Variants in VCL observed in about 807,000 individuals in gnomAD.
VCL encodes the protein epididymis luminal protein 114.
A neutral mutation model predicts 125.7 loss-of-function variants in VCL; 47 were observed. The ratio of observed to expected loss-of-function variants is 0.37; its 90% CI spans 0.30 to 0.48. The LOEUF (loss-of-function observed/expected upper bound fraction) is 0.48, where lower values mean the gene tolerates loss of function less well. VCL is among the 20% of genes least tolerant of loss of function. The pLI, the probability that VCL is intolerant of heterozygous loss-of-function variation, is 0.99. For synonymous variants in VCL, 458 were observed against 514.6 expected (o/e 0.89, Z 1.49); for missense variants, 1,069 against 1,455.5 (o/e 0.73, Z 4.32).
At chr10:74,035,485 C>A (rs982711664) in intron 1 of VCL, among the ~76,000 whole-genome samples, 1 of 152,050 alleles carries the variant, frequency 6.6e-6, no homozygotes, top group African/African-American at 2.4e-5. Flanking sequence ...CTAAAAATGC[C>A]CCCAGGCCTC....
At chr10:74,056,935 T>C (rs1315054152) in intron 2 of VCL, among the ~76,000 whole-genome samples, 1 of 152,018 alleles carries the variant, frequency 6.6e-6, no homozygotes, top group Non-Finnish European at 1.5e-5. Flanking sequence ...ATTTTCTAAA[T>C]TATTATTATT....
At chr10:74,050,029 A>G (rs569386398) in intron 2 of VCL, among the ~76,000 whole-genome samples, 52 of 152,352 alleles carry the variant, frequency 3.4e-4, no homozygotes, top group South Asian at 8.3e-4. Context: ...AAGGAAGGCA[A>G]TTCTTGGACC....
At chr10:74,092,633 G>A (rs1413075059) in intron 10 of VCL, among the ~76,000 whole-genome samples, 1 of 152,110 alleles carries the variant, frequency 6.6e-6, no homozygotes, top group East Asian at 1.9e-4. Flanking sequence ...CTCTGGCTGT[G>A]AGCTACCACG....
chr10:74,087,916 T>C (rs1367053028), intron 8 of VCL, among the ~76,000 whole-genome samples: 7 of 151,946 alleles, frequency 4.6e-5, no homozygotes. Context: ...GAGGCTGAGG[T>C]AGGAGAATTT....
At chr10:74,054,857 G>T (rs996139884) in intron 2 of VCL, among the ~76,000 whole-genome samples, 4 of 151,838 alleles carry the variant, frequency 2.6e-5, no homozygotes, top group African/African-American at 9.7e-5. Flanking sequence ...GGAGGTGGAG[G>T]TTGCAGTGAG....
chr10:74,035,314 G>A (rs557636695), intron 1 of VCL, among the ~76,000 whole-genome samples: 1 of 150,482 alleles, frequency 6.6e-6, no homozygotes, highest in Non-Finnish European at 1.5e-5. Context: ...ACCAAATCGA[G>A]TAGATTGTGA....
chr10:74,016,552 C>T (rs1206417871), intron 1 of VCL, among the ~76,000 whole-genome samples: 1 of 151,904 alleles, frequency 6.6e-6, no homozygotes, highest in Non-Finnish European at 1.5e-5. Flanking sequence ...GTGCCACTGC[C>T]CTCTAGCCTG....
At chr10:74,068,394 G>A (rs1048424609) in intron 2 of VCL, among the ~76,000 whole-genome samples, 6 of 151,272 alleles carry the variant, frequency 4.0e-5, no homozygotes, top group Non-Finnish European at 5.9e-5. Flanking sequence ...GCATGATCTC[G>A]GCTCACTGCA....
intron 14 of VCL, 54 bp downstream of exon 14, chr10:74,101,151 A>C: frequency 2.5e-6 from 4 of 1,584,070 alleles, no homozygotes; most frequent in Non-Finnish European, 3.4e-6. Flanking sequence ...TTAATTACAG[A>C]ACAGTTTCTA....
chr10:74,094,227 A>G, intron 10 of VCL, 44 bp from the exon 11 acceptor site: 2 of 1,611,786 alleles, frequency 1.2e-6, no homozygotes, highest in Non-Finnish European at 1.7e-6. Context: ...TCTCAATGTA[A>G]ATAGTGTTTA....
intron 1 of VCL, among the ~76,000 whole-genome samples, chr10:74,009,839 C>T (rs1565632307): frequency 6.6e-6 from 1 of 151,684 alleles, no homozygotes; most frequent in Non-Finnish European, 1.5e-5. Flanking sequence ...GAACTCCTGA[C>T]CTCAAATGAA....
At chr10:74,023,292 A>G (rs540002201) in intron 1 of VCL, among the ~76,000 whole-genome samples, 5 of 152,350 alleles carry the variant, frequency 3.3e-5, no homozygotes, top group African/African-American at 1.2e-4. Flanking sequence ...CAGTATTCAG[A>G]ACAGTAACAT....
intron 1 of VCL, among the ~76,000 whole-genome samples, chr10:74,031,418 A>C (rs1272812798): frequency 1.3e-5 from 2 of 152,196 alleles, no homozygotes; most frequent in Admixed American, 1.3e-4. Context: ...TTTAAAAAAA[A>C]TGACGACCTT....
intron 2 of VCL, among the ~76,000 whole-genome samples, chr10:74,052,349 A>T (rs559392833): frequency 6.6e-6 from 1 of 150,884 alleles, no homozygotes; most frequent in East Asian, 1.9e-4. Context: ...ATTTTCTCCA[A>T]ATAAATGATT....
At position 74,044,039 on chromosome 10, in the gene VCL, A is replaced by T. The variant is rs565380600; in HGVS notation, c.239+886A>T. ...GGCAGGAGAATGGCGTGAACTCAGGAGGTGGAGCTTGCAGTGAGTGGAGAT... is the reference window on the plus strand; with the variant it reads ...GGCAGGAGAATGGCGTGAACTCAGGTGGTGGAGCTTGCAGTGAGTGGAGAT... On this transcript the variant is annotated intron_variant, in intron 2 of 21. Coordinates refer to ENST00000211998, the MANE Select transcript of VCL (RefSeq NM_014000.3). Among the ~76,000 whole-genome samples the T allele has an allele frequency of 4.6e-5, 7 of 152,078 alleles. No individual in the cohort carries two copies. The East Asian group carries it at 7.7e-4, about 17-fold the overall frequency.
chr10:74,114,130 T>A, intron 19 of VCL, 54 bp from the exon 20 acceptor site: 1 of 1,605,142 alleles, frequency 6.2e-7, no homozygotes, highest in Non-Finnish European at 8.5e-7. Context: ...CCTTCCTTCC[T>A]TAACATGGCC....
At chr10:74,048,452 G>A (rs1199022748) in intron 2 of VCL, among the ~76,000 whole-genome samples, 1 of 140,306 alleles carries the variant, frequency 7.1e-6, no homozygotes, top group Non-Finnish European at 1.5e-5. Flanking sequence ...GGGCAAGAGC[G>A]AAACTCTGTC....
chr10:74,042,238 C>T (rs910618505), intron 1 of VCL, among the ~76,000 whole-genome samples: 8 of 152,090 alleles, frequency 5.3e-5, no homozygotes, highest in South Asian at 2.1e-4. Flanking sequence ...CTCAACCTAA[C>T]GATATATCTT....
chr10:74,094,068 A>G lies in VCL; in HGVS notation c.1353-203A>G, dbSNP rs7900388. On this transcript the variant is annotated intron_variant, in intron 10 of 21. Coordinates refer to ENST00000211998, the MANE Select transcript of VCL (RefSeq NM_014000.3). ...CTTTACTGATGCAAACTCATATTTA[A>G]TGTCTTAACTAGGACAAAATAATCT... Among the ~76,000 whole-genome samples, 2,561 of 152,322 alleles carry G rather than the reference A, an allele frequency of 0.017. 75 individuals are homozygous for G. The highest frequency in any genetic ancestry group is 0.058 in the African/African-American group (2,423 of 41,566).
Sources: allele counts gnomAD v4.1 joint callset (sites outside exome capture counted in the v4.1 genomes callset), GRCh38; gene constraint gnomAD v4.1.1; transcripts MANE v1.5; gene names NCBI Gene and HGNC (gene_info 2026-07-23, HGNC 2026-07-21).